Variants in CRY1 observed in about 807,000 individuals in gnomAD.
The protein encoded by CRY1 is cryptochrome circadian regulator 1, also known as cryptochrome-1.
A neutral mutation model predicts 76.0 loss-of-function variants in CRY1; 45 were observed. That is an observed-to-expected ratio of 0.59 (90% CI 0.47 to 0.76). CRY1 has a LOEUF of 0.76. CRY1 is among the 30% of genes least tolerant of loss of function. CRY1 has a pLI of 0.00. For synonymous variants in CRY1, 248 were observed against 244.0 expected, an observed-to-expected ratio of 1.02 and a Z score of -0.15; for missense variants, 587 against 716.4, an observed-to-expected ratio of 0.82 and a Z score of 2.06.
At chr12:107,074,317 A>G (rs1469224323) in intron 1 of CRY1, among the ~76,000 whole-genome samples, 1 of 152,210 alleles carries the variant, frequency 6.6e-6, no homozygotes, top group African/African-American at 2.4e-5. Flanking sequence ...CAGTAATTTA[A>G]TATTAAGTCA....
intron 3 of CRY1, among the ~76,000 whole-genome samples, chr12:107,003,151 T>C (rs1230162217): frequency 6.6e-6 from 1 of 152,226 alleles, no homozygotes; most frequent in Non-Finnish European, 1.5e-5. Context: ...TCAGCATATG[T>C]ATCTATGTCA....
intron 1 of CRY1, among the ~76,000 whole-genome samples, chr12:107,048,013 T>C (rs1346038502): frequency 4.0e-5 from 6 of 151,626 alleles, no homozygotes; most frequent in African/African-American, 1.5e-4. Flanking sequence ...TAGACTAATA[T>C]AGAAAACAAG....
chr12:107,056,268 T>G (rs1952981038), intron 1 of CRY1, among the ~76,000 whole-genome samples: 1 of 152,208 alleles, frequency 6.6e-6, no homozygotes, highest in Admixed American at 6.5e-5. Context: ...CTCCACACCT[T>G]TTGTGAGGTT....
chr12:107,089,373 T>TC (rs11400414), intron 1 of CRY1, among the ~76,000 whole-genome samples: 105,625 of 151,904 alleles, frequency 0.7, 37,528 homozygotes, highest in East Asian at 0.97. Context: ...TCTCTCTGTG[T>TC]ACCCAGGCTG....
chr12:107,058,930 C>T (rs964344510), intron 1 of CRY1, among the ~76,000 whole-genome samples: 5 of 152,160 alleles, frequency 3.3e-5, no homozygotes, highest in Non-Finnish European at 7.3e-5. Flanking sequence ...TAATCAATCA[C>T]GTTTTATATT....
chr12:107,007,554 G>C (rs1027789590), intron 2 of CRY1, among the ~76,000 whole-genome samples: 2 of 150,096 alleles, frequency 1.3e-5, no homozygotes, highest in Admixed American at 1.3e-4. Context: ...TTAAGAGTTA[G>C]GCTCCCACTC....
intron 1 of CRY1, among the ~76,000 whole-genome samples, chr12:107,033,354 A>G (rs1952699104): frequency 6.6e-6 from 1 of 152,204 alleles, no homozygotes. Context: ...TATTTTTACA[A>G]AGGATTCCAA....
chr12:107,087,000 CAAAG>C (rs906699027), intron 1 of CRY1, among the ~76,000 whole-genome samples: 18 of 139,814 alleles, frequency 1.3e-4, no homozygotes, highest in Non-Finnish European at 2.1e-4. Context: ...AAGAAAGAAA[CAAAG>C]AAAGAAAGAA....
intron 1 of CRY1, among the ~76,000 whole-genome samples, chr12:107,031,671 C>T (rs1012430055): frequency 6.6e-6 from 1 of 152,242 alleles, no homozygotes; most frequent in Non-Finnish European, 1.5e-5. Context: ...TATTGTCCCC[C>T]AAACCCCCAT....
rs1205236557 is a variant in CRY1, at chr12:107,026,848, G to A, written c.159-4656C>T. Among the ~76,000 whole-genome samples the A allele has an allele frequency of 4.0e-5, 6 of 149,548 alleles. No homozygotes were observed. In the South Asian group the frequency reaches 6.3e-4, roughly 16 times the overall value. On this transcript the variant is annotated intron_variant, in intron 1 of 12. Coordinates refer to ENST00000008527, the MANE Select transcript of CRY1 (RefSeq NM_004075.5). The stretch of plus-strand genomic sequence containing the variant: ...ATACTTGGGCATGACAAAAGAAAAC[G>A]TGAATTAGTTGGATGCCTACACCTG...
At chr12:107,009,555 C>CAAAACA (rs1555275523) in intron 2 of CRY1, among the ~76,000 whole-genome samples, 14 of 32,172 alleles carry the variant, frequency 4.4e-4, no homozygotes, top group South Asian at 1.4e-3. Context: ...AACAAAAAAA[C>CAAAACA]AAAAAAACAT....
intron 1 of CRY1, among the ~76,000 whole-genome samples, chr12:107,076,105 A>G (rs117907702): frequency 0.017 from 2,639 of 152,156 alleles, 45 homozygotes; most frequent in Non-Finnish European, 0.024. Context: ...ACACGATAGG[A>G]AATTATCAGG....
intron 2 of CRY1, among the ~76,000 whole-genome samples, chr12:107,011,479 A>G (rs1225001466): frequency 6.6e-6 from 1 of 152,222 alleles, no homozygotes; most frequent in African/African-American, 2.4e-5. Context: ...TGCTACTCCA[A>G]TGAACACATG....
At chr12:107,053,603 C>T (rs937085476) in intron 1 of CRY1, among the ~76,000 whole-genome samples, 2 of 152,122 alleles carry the variant, frequency 1.3e-5, no homozygotes, top group African/African-American at 4.8e-5. Context: ...CAGGCATAAG[C>T]CACGGTGGCC....
chr12:106,992,620 C>G (rs2136814199), intron 12 of CRY1, 167 bp downstream of exon 12: 1 of 589,608 alleles, frequency 1.7e-6, no homozygotes, highest in East Asian at 2.9e-5. Flanking sequence ...AGTACAGATG[C>G]ATGTCTCTTG....
At chr12:107,031,740 A>G (rs1246700456) in intron 1 of CRY1, among the ~76,000 whole-genome samples, 1 of 152,214 alleles carries the variant, frequency 6.6e-6, no homozygotes, top group African/African-American at 2.4e-5. Context: ...CCGTTCTACA[A>G]AACATTTGAC....
chr12:107,051,240 C>G (rs1952916571), intron 1 of CRY1, among the ~76,000 whole-genome samples: 1 of 152,176 alleles, frequency 6.6e-6, no homozygotes, highest in East Asian at 1.9e-4. Flanking sequence ...ACAGAAACAA[C>G]AGAACTATTC....
intron 1 of CRY1, among the ~76,000 whole-genome samples, chr12:107,088,468 A>G (rs1025595079): frequency 6.6e-6 from 1 of 151,978 alleles, no homozygotes. Flanking sequence ...GTATCCCTTT[A>G]TAATAACACA....
intron 1 of CRY1, among the ~76,000 whole-genome samples, chr12:107,074,898 C>T (rs1177073950): frequency 6.6e-6 from 1 of 152,076 alleles, no homozygotes; most frequent in Non-Finnish European, 1.5e-5. Context: ...GCCTATAATC[C>T]CAGCTACTTG....
Sources: allele counts gnomAD v4.1 joint callset (sites outside exome capture counted in the v4.1 genomes callset), GRCh38; gene constraint gnomAD v4.1.1; transcripts MANE v1.5; gene names NCBI Gene and HGNC (gene_info 2026-07-23, HGNC 2026-07-21).